BCKDHB: variants seen among roughly 807,000 people sequenced by gnomAD.
BCKDHB encodes the protein branched chain keto acid dehydrogenase E1 subunit beta, also known as 2-oxoisovalerate dehydrogenase subunit beta, mitochondrial.
In BCKDHB, 41 loss-of-function variants were observed where a neutral mutation model predicts 48.5. That is an observed-to-expected ratio of 0.85 (90% CI 0.66 to 1.10). BCKDHB has a LOEUF of 1.10. BCKDHB is among the 50% of genes least tolerant of loss of function. The pLI, the probability that BCKDHB is intolerant of heterozygous loss-of-function variation, is 0.00. For missense variants in BCKDHB, 496 were observed against 494.2 expected (o/e 1.00, Z -0.03); for synonymous variants, 201 against 174.8 (o/e 1.15, Z -1.18).
the BCKDHB span, among the ~76,000 whole-genome samples, chr6:80,359,781 G>C: frequency 1.3e-5 from 2 of 152,096 alleles, no homozygotes; most frequent in African/African-American, 2.4e-5. Context: ...TTTTAGTAGA[G>C]AGGGTTTCAC....
At chr6:80,433,622 C>A in the BCKDHB span, among the ~76,000 whole-genome samples, 1 of 152,132 alleles carries the variant, frequency 6.6e-6, no homozygotes, top group Non-Finnish European at 1.5e-5. Flanking sequence ...ACCCATTGAA[C>A]CAGACTACTC....
the BCKDHB span, among the ~76,000 whole-genome samples, chr6:80,431,739 G>T: frequency 6.6e-6 from 1 of 152,132 alleles, no homozygotes; most frequent in Non-Finnish European, 1.5e-5. Flanking sequence ...TGTGTCTCTT[G>T]AATACAGCAC....
chr6:80,225,591 C>T (rs1322966872), intron 8 of BCKDHB, among the ~76,000 whole-genome samples: 2 of 152,046 alleles, frequency 1.3e-5, no homozygotes, highest in South Asian at 2.1e-4. Context: ...GTTTTTTGAA[C>T]AATTCCTGAA....
At chr6:80,428,104 T>C in the BCKDHB span, among the ~76,000 whole-genome samples, 12 of 151,990 alleles carry the variant, frequency 7.9e-5, no homozygotes, top group African/African-American at 2.9e-4. Flanking sequence ...CTCCCACTTA[T>C]GAGTGAGAAC....
intron 1 of BCKDHB, among the ~76,000 whole-genome samples, chr6:80,123,332 G>C (rs963567154): frequency 1.3e-5 from 2 of 152,174 alleles, no homozygotes; most frequent in Admixed American, 6.6e-5. Flanking sequence ...AAGTAAAACA[G>C]GTGTAAGAAA....
At chr6:80,381,265 C>G in the BCKDHB span, among the ~76,000 whole-genome samples, 11 of 152,006 alleles carry the variant, frequency 7.2e-5, no homozygotes, top group Non-Finnish European at 1.5e-4. Flanking sequence ...TCAATGACAC[C>G]TCTGAGAATA....
intron 6 of BCKDHB, among the ~76,000 whole-genome samples, chr6:80,183,070 T>C (rs1773486402): frequency 6.6e-6 from 1 of 152,160 alleles, no homozygotes; most frequent in Admixed American, 6.5e-5. Context: ...TCTGCTTGTA[T>C]ATATATGTGT....
the BCKDHB span, among the ~76,000 whole-genome samples, chr6:80,438,189 C>T: frequency 6.6e-6 from 1 of 152,224 alleles, no homozygotes; most frequent in Non-Finnish European, 1.5e-5. Context: ...ACAGTGCATA[C>T]ACACAGGCAG....
rs1775081574 is a variant in BCKDHB at position 80,214,567 on chromosome 6, T to A, written c.951+11355T>A. The stretch of plus-strand genomic sequence containing the variant: ...TGAAATCAAGAACATTCTCAAACAG[T>A]TGAGGGGTTGGGATGGAAAGGGAGC... On this transcript the variant is annotated intron_variant, in intron 8 of 9. Transcript: ENST00000320393. Among the ~76,000 whole-genome samples, 3 of 152,058 alleles carry A rather than the reference T, an allele frequency of 2.0e-5. No individual in the cohort carries two copies. In the South Asian group the frequency reaches 6.2e-4, roughly 32 times the overall value.
At chr6:80,236,540 A>C (rs73482038) in intron 8 of BCKDHB, among the ~76,000 whole-genome samples, 10,863 of 152,318 alleles carry the variant, frequency 0.071, 576 homozygotes, top group South Asian at 0.24. Context: ...GTAAAAAGCT[A>C]AAGCCCTCAC....
chr6:80,339,226 A>G (rs1275752787), intron 9 of BCKDHB, among the ~76,000 whole-genome samples: 1 of 152,220 alleles, frequency 6.6e-6, no homozygotes, highest in Non-Finnish European at 1.5e-5. Flanking sequence ...AACATATTAC[A>G]TTCATCAAAA....
rs1312575846 is a variant in BCKDHB at position 80,343,910 on chromosome 6, T to C, written c.*106T>C. ...ATCAGTGTTTTGATGGTAACAAACT[T>C]TGATGGTAAAGTTGGTAAAAGGCAA... On this transcript the variant is annotated 3_prime_UTR_variant, in exon 10 of 10. Coordinates refer to ENST00000320393, the MANE Select transcript of BCKDHB (RefSeq NM_183050.4). The C allele has an allele frequency of 2.1e-6, 3 of 1,462,314 alleles. No homozygotes were observed. Among genetic ancestry groups the C allele is most frequent in the Non-Finnish European group, 2.9e-6 (3 of 1,046,318 alleles). The allele number at this position is 1,462,314 out of a possible 1,614,324, so 90.6% of individuals were successfully genotyped here.
At chr6:80,377,294 G>A in the BCKDHB span, among the ~76,000 whole-genome samples, 2 of 151,910 alleles carry the variant, frequency 1.3e-5, no homozygotes, top group African/African-American at 2.4e-5. Flanking sequence ...TGTCCTCCTC[G>A]GCCTCCCAAA....
intron 9 of BCKDHB, among the ~76,000 whole-genome samples, chr6:80,330,371 A>G (rs929256314): frequency 4.6e-5 from 7 of 152,202 alleles, no homozygotes; most frequent in African/African-American, 1.4e-4. Flanking sequence ...AGCAAAGCTC[A>G]TTAATACTCC....
chr6:80,138,557 T>A (rs1038479230), intron 3 of BCKDHB, among the ~76,000 whole-genome samples: 3 of 152,072 alleles, frequency 2.0e-5, no homozygotes, highest in Admixed American at 6.5e-5. Flanking sequence ...GGTTTTTTGT[T>A]CTTGCGATAG....
the BCKDHB span, among the ~76,000 whole-genome samples, chr6:80,376,531 A>T: frequency 6.6e-6 from 1 of 152,182 alleles, no homozygotes; most frequent in South Asian, 2.1e-4. Context: ...GGGTCTGTGA[A>T]TTCTCTTGGC....
chr6:80,144,858 C>T (rs752790601), intron 3 of BCKDHB, among the ~76,000 whole-genome samples: 5 of 152,108 alleles, frequency 3.3e-5, no homozygotes, highest in Non-Finnish European at 7.4e-5. Flanking sequence ...GGAGCAACAG[C>T]CAAGTTACTG....
At chr6:80,129,791 T>G (rs1318772607) in intron 3 of BCKDHB, among the ~76,000 whole-genome samples, 1 of 152,154 alleles carries the variant, frequency 6.6e-6, no homozygotes, top group East Asian at 1.9e-4. Flanking sequence ...CTGCAGTCTT[T>G]TCTCTTAAGG....
chr6:80,149,200 G>A (rs57913486), intron 3 of BCKDHB, among the ~76,000 whole-genome samples: 12,691 of 152,174 alleles, frequency 0.083, 629 homozygotes, highest in African/African-American at 0.11. Context: ...CATTTATGCA[G>A]CCAAAAACAC....
Sources: gnomAD v4.1 joint callset for allele counts (sites outside exome capture counted in the v4.1 genomes callset) on GRCh38, gnomAD v4.1.1 for gene constraint, MANE v1.5 for transcripts, NCBI Gene and HGNC (gene_info 2026-07-23, HGNC 2026-07-21) for gene names.